Variants in MPDZ observed in about 807,000 individuals in gnomAD.
MPDZ encodes multiple PDZ domain protein.
Under a neutral mutation model 239.1 loss-of-function variants are expected in MPDZ, and 234 were observed. The ratio of observed to expected loss-of-function variants is 0.98; its 90% CI spans 0.88 to 1.09. The LOEUF (loss-of-function observed/expected upper bound fraction) is 1.09, where lower values mean the gene tolerates loss of function less well. Ranked by LOEUF, MPDZ falls within the 50% of genes least tolerant of loss-of-function variation. The pLI, the probability that MPDZ is intolerant of heterozygous loss-of-function variation, is 0.00. For synonymous variants in MPDZ, 1,048 were observed against 881.3 expected, an observed-to-expected ratio of 1.19 and a Z score of -3.35; for missense variants, 3,175 against 2,510.0, an observed-to-expected ratio of 1.26 and a Z score of -5.66.
At chr9:13,208,958 A>T (rs1957309019) in intron 10 of MPDZ, among the ~76,000 whole-genome samples, 1 of 152,106 alleles carries the variant, frequency 6.6e-6, no homozygotes. Context: ...ACTGCAACAA[A>T]ACTGGAAACC....
At chr9:13,199,066 T>C (rs960521754) in intron 12 of MPDZ, among the ~76,000 whole-genome samples, 12 of 151,932 alleles carry the variant, frequency 7.9e-5, no homozygotes, top group African/African-American at 2.2e-4. Flanking sequence ...GGTATATTCA[T>C]AGGTATGGCA....
Position 13,150,683 on chromosome 9 carries a change from T to C in MPDZ, c.3458A>G (p.Glu1153Gly). The stretch of plus-strand genomic sequence containing the variant: ...GGATTTGCTTGGTTCTCTCCAGAGT[T>C]CCACCCTAAAAAATAAATAAAATTT... ...YSNWNQPRRV[E>G]LWREPSKSLG... Residue 1153 changes from glutamate (E) to glycine (G), a missense_variant, in exon 25 of 47, where the codon GAA (glutamate) becomes GGA (glycine). Glu to Gly is a moderately conservative substitution (Grantham distance 98). Coordinates refer to ENST00000319217, the MANE Select transcript of MPDZ (RefSeq NM_001378778.1). 2 of 1,351,234 alleles carry C rather than the reference T, an allele frequency of 1.5e-6. No homozygotes were observed. The highest frequency in any genetic ancestry group is 1.9e-6 in the Non-Finnish European group (2 of 1,042,538). 83.7% of individuals were successfully genotyped at this position (1,351,234 alleles called of 1,614,324 possible).
intron 14 of MPDZ, 123 bp from the exon 15 acceptor site, chr9:13,192,418 A>G: frequency 1.2e-6 from 1 of 807,318 alleles, no homozygotes. Context: ...TGTGCTCAGA[A>G]CTATAGTGAG....
At chr9:13,278,532 C>CATCA (rs1024356072) in intron 1 of MPDZ, among the ~76,000 whole-genome samples, 1 of 152,152 alleles carries the variant, frequency 6.6e-6, no homozygotes, top group African/African-American at 2.4e-5. Context: ...AAATGTACAC[C>CATCA]ATCACCACCC....
At chr9:13,253,338 C>T (rs1326465695) in intron 1 of MPDZ, among the ~76,000 whole-genome samples, 3 of 151,804 alleles carry the variant, frequency 2.0e-5, no homozygotes, top group Non-Finnish European at 4.4e-5. Flanking sequence ...AAAATAAATG[C>T]ATAGCTTTTT....
intron 3 of MPDZ, among the ~76,000 whole-genome samples, chr9:13,247,403 C>A (rs528147282): frequency 2.0e-5 from 3 of 152,264 alleles, no homozygotes; most frequent in African/African-American, 7.2e-5. Flanking sequence ...TCTTCAGCAT[C>A]CACACAGCTT....
At chr9:13,117,810 A>G (rs1336060614) in intron 39 of MPDZ, among the ~76,000 whole-genome samples, 1 of 147,420 alleles carries the variant, frequency 6.8e-6, no homozygotes, top group Non-Finnish European at 1.5e-5. Flanking sequence ...TTATACAAAT[A>G]TTTATGGTGT....
intron 29 of MPDZ, 61 bp from the exon 30 acceptor site, chr9:13,136,864 C>T: frequency 1.1e-6 from 1 of 947,470 alleles, no homozygotes; most frequent in Non-Finnish European, 1.6e-6. Context: ...GTTTTATCAT[C>T]CTTCCTCATT....
chr9:13,228,026 G>T (rs529581711), intron 3 of MPDZ, among the ~76,000 whole-genome samples: 1 of 152,132 alleles, frequency 6.6e-6, no homozygotes, highest in South Asian at 2.1e-4. Flanking sequence ...TGCCTTGATA[G>T]GTCTGTTCAT....
At chr9:13,176,933 AG>A (rs1264839998) in intron 19 of MPDZ, among the ~76,000 whole-genome samples, 2 of 152,172 alleles carry the variant, frequency 1.3e-5, no homozygotes, top group African/African-American at 2.4e-5. Flanking sequence ...AAGAATAGAA[AG>A]TTTTACAATT....
At chr9:13,252,483 T>C (rs1025502173) in intron 1 of MPDZ, among the ~76,000 whole-genome samples, 10 of 150,860 alleles carry the variant, frequency 6.6e-5, no homozygotes, top group African/African-American at 2.4e-4. Flanking sequence ...GGAGAATCAC[T>C]TGAACCAGGG....
intron 21 of MPDZ, among the ~76,000 whole-genome samples, chr9:13,173,596 A>T (rs1391991966): frequency 1.3e-5 from 2 of 151,854 alleles, no homozygotes; most frequent in Non-Finnish European, 2.9e-5. Context: ...CCAGCTACTC[A>T]GGAGGCTGAG....
intron 18 of MPDZ, 86 bp from the exon 19 acceptor site, chr9:13,183,671 C>G (rs1953697632): frequency 1.6e-6 from 2 of 1,260,116 alleles, no homozygotes; most frequent in Non-Finnish European, 2.3e-6. Flanking sequence ...AAAAGGCAAA[C>G]TGGTATCATT....
In MPDZ at chr9:13,223,559, C is replaced by G; in HGVS notation, c.533+12G>C. 6.3e-7 allele frequency: 1 copy of G among 1,597,188 alleles called. No individual in the cohort carries two copies. The highest frequency in any genetic ancestry group is 8.5e-7 in the Non-Finnish European group (1 of 1,172,958). ...GGGATCAAAAACAAAGAAGACGCCG[C>G]GACCATCTCACCTATGGGCCACACT... On this transcript the variant is annotated intron_variant, in intron 5 of 46. Coordinates refer to ENST00000319217, the MANE Select transcript of MPDZ (RefSeq NM_001378778.1).
chr9:13,125,705 AC>A (rs1219037278), intron 34 of MPDZ, among the ~76,000 whole-genome samples: 1 of 152,112 alleles, frequency 6.6e-6, no homozygotes, highest in African/African-American at 2.4e-5. Context: ...AATGCCTACA[AC>A]CTTAGAAGAT....
Position 13,175,916 on chromosome 9 carries a change from G to GAAACT in MPDZ, c.2932-46_2932-42dup, listed in dbSNP as rs753761981. ...AGAAGTCACAAGTCACATGGAAAGG[G>GAAACT]AAACTAGACTTTGGAGCGTGATTTC... On this transcript the variant is annotated intron_variant, in intron 20 of 46. Transcript: ENST00000319217. The GAAACT allele has an allele frequency of 1.5e-5, 24 of 1,556,344 alleles. No homozygotes were observed. The South Asian group carries it at 2.7e-4, about 18-fold the overall frequency.
In MPDZ at chr9:13,174,937, A is replaced by C. The variant is rs571850339; in HGVS notation, c.3055+815T>G. 6.6e-5 allele frequency among the ~76,000 whole-genome samples: 10 copies of C among 152,316 alleles called. No individual in the cohort carries two copies. In the East Asian group the frequency reaches 1.7e-3, roughly 26 times the overall value. Reference sequence around the variant, plus strand: ...GCTGGATTCCTCTGCCAAATCTCAAAACTTAACAAGGAAACAAGACCCTGC... The same window carrying C: ...GCTGGATTCCTCTGCCAAATCTCAACACTTAACAAGGAAACAAGACCCTGC... On this transcript the variant is annotated intron_variant, in intron 21 of 46. Transcript: ENST00000319217.
chr9:13,248,006 C>T (rs1202141245), intron 2 of MPDZ, among the ~76,000 whole-genome samples: 1 of 152,032 alleles, frequency 6.6e-6, no homozygotes, highest in Non-Finnish European at 1.5e-5. Context: ...GCGGGCTGAT[C>T]ACTTGAGCTC....
chr9:13,247,067 T>C lies in MPDZ; in HGVS notation c.183+568A>G, dbSNP rs184905988. On this transcript the variant is annotated intron_variant, in intron 3 of 46. Coordinates refer to ENST00000319217, the MANE Select transcript of MPDZ (RefSeq NM_001378778.1). ...GAACAAAAAAGCACTGTGTTACATTTAGAAGTTCTAATGTTTATCACCATC... is the reference window on the plus strand; with the variant it reads ...GAACAAAAAAGCACTGTGTTACATTCAGAAGTTCTAATGTTTATCACCATC... Among the ~76,000 whole-genome samples the C allele has an allele frequency of 5.3e-5, 8 of 152,340 alleles. No individual in the cohort carries two copies. In the East Asian group the frequency reaches 1.5e-3, roughly 29 times the overall value.
Sources: allele counts gnomAD v4.1 joint callset (sites outside exome capture counted in the v4.1 genomes callset), GRCh38; gene constraint gnomAD v4.1.1; transcripts MANE v1.5; gene names NCBI Gene and HGNC (gene_info 2026-07-23, HGNC 2026-07-21).